Variants in M1AP observed in about 807,000 individuals in gnomAD.
M1AP encodes the protein meiosis 1 associated protein.
M1AP carries 39 observed loss-of-function variants against 51.2 expected under a neutral mutation model. That is an observed-to-expected ratio of 0.76 (90% CI 0.59 to 1.00). The LOEUF (loss-of-function observed/expected upper bound fraction) is 1.00, where lower values mean the gene tolerates loss of function less well. Ranked by LOEUF, M1AP falls within the 50% of genes least tolerant of loss-of-function variation. The pLI, the probability that M1AP is intolerant of heterozygous loss-of-function variation, is 0.00. For missense variants in M1AP, 545 were observed against 641.2 expected (o/e 0.85, Z 1.62); for synonymous variants, 251 against 249.2 (o/e 1.01, Z -0.07).
rs72206117 is a variant in M1AP, at chr2:74,565,825, TCACACACACACACACA to T, written c.1075-3418_1075-3403del. On this transcript the variant is annotated intron_variant, in intron 7 of 10. Coordinates refer to ENST00000421985, the MANE Select transcript of M1AP (RefSeq NM_001321739.2). ...GCCTGGGCAACAGAGTGAGATGCCG[TCACACACACACACACA>T]CACACACACACACACACACACACAC... is the stretch of plus-strand genomic sequence containing the variant. 1.2e-4 allele frequency among the ~76,000 whole-genome samples: 17 copies of T among 138,096 alleles called. No homozygotes were observed. In the East Asian group the frequency reaches 3.0e-3, roughly 24 times the overall value. 90.6% of individuals were successfully genotyped at this position (138,096 alleles called of 152,430 possible). A position where few individuals can be genotyped will look rare whatever the true frequency, so the allele number is the denominator to read the frequency against.
At chr2:74,601,617 CA>C (rs1680684496) in intron 4 of M1AP, among the ~76,000 whole-genome samples, 1 of 151,680 alleles carries the variant, frequency 6.6e-6, no homozygotes, top group African/African-American at 2.4e-5. Flanking sequence ...GATCTTTCAG[CA>C]AAATTTTAAA....
chr2:74,646,220 G>A (rs1462981060), intron 1 of M1AP, among the ~76,000 whole-genome samples: 4 of 152,168 alleles, frequency 2.6e-5, no homozygotes, highest in Non-Finnish European at 4.4e-5. Context: ...GTCTCCTAGT[G>A]ATAAGCCCAT....
In M1AP at chr2:74,575,486, C is replaced by CAACATT. The variant is rs768474471; in HGVS notation, c.1025_1026insAATGTT (p.Glu342_Leu343insMetLeu). On this transcript the variant is annotated inframe_insertion, in exon 7 of 11. Transcript: ENST00000421985. The stretch of plus-strand genomic sequence containing the variant: ...GGAAATGTTGCTGATTTGTCTCCAG[C>CAACATT]TCATCCCAGTCCAGCTGCCAACAGC... 20 of 1,614,162 alleles carry CAACATT rather than the reference C, an allele frequency of 1.2e-5. No homozygotes were observed. In the South Asian group the frequency reaches 2.2e-4, roughly 18 times the overall value.
intron 1 of M1AP, among the ~76,000 whole-genome samples, chr2:74,644,356 G>T (rs1683473920): frequency 1.3e-5 from 2 of 152,178 alleles, no homozygotes; most frequent in Non-Finnish European, 2.9e-5. Flanking sequence ...TGACCAACAT[G>T]GTAAAACCCC....
chr2:74,600,241 G>T (rs995624726), intron 4 of M1AP, among the ~76,000 whole-genome samples: 8 of 152,110 alleles, frequency 5.3e-5, no homozygotes, highest in Non-Finnish European at 1.2e-4. Context: ...GATAAACAAG[G>T]ATTAAATAAG....
chr2:74,579,901 G>C (rs1486237916), intron 5 of M1AP, among the ~76,000 whole-genome samples: 1 of 152,094 alleles, frequency 6.6e-6, no homozygotes, highest in Non-Finnish European at 1.5e-5. Flanking sequence ...TTGAACTCCT[G>C]GGTGCAAGTG....
rs745819777 is a variant in M1AP, at chr2:74,560,308, A to C, written c.1282-17T>G. On this transcript the variant is annotated splice_polypyrimidine_tract_variant and intron_variant, in intron 8 of 10. Coordinates refer to ENST00000421985, the MANE Select transcript of M1AP (RefSeq NM_001321739.2). Reference sequence around the variant, plus strand: ...CAGCATGCTCTGAGGAAAAGAGAGGAGGGGCCTCACTAGGGAACTTAAGAT... The same window carrying C: ...CAGCATGCTCTGAGGAAAAGAGAGGCGGGGCCTCACTAGGGAACTTAAGAT... The C allele has an allele frequency of 4.4e-6, 7 of 1,574,232 alleles. No individual in the cohort carries two copies. The highest frequency in any genetic ancestry group is 1.7e-4 in the Middle Eastern group (1 of 5,820).
At chr2:74,625,465 A>T (rs973860148) in intron 2 of M1AP, among the ~76,000 whole-genome samples, 1 of 152,172 alleles carries the variant, frequency 6.6e-6, no homozygotes, top group Non-Finnish European at 1.5e-5. Flanking sequence ...TATTATGCTT[A>T]GAAAAGCCAT....
intron 2 of M1AP, among the ~76,000 whole-genome samples, chr2:74,623,956 C>T (rs1358557293): frequency 2.6e-4 from 39 of 152,148 alleles, no homozygotes; most frequent in Non-Finnish European, 4.4e-5. Flanking sequence ...TAGGCGTGAG[C>T]CACCACACCT....
intron 4 of M1AP, among the ~76,000 whole-genome samples, chr2:74,591,623 C>A (rs1480633632): frequency 1.3e-5 from 2 of 152,056 alleles, no homozygotes; most frequent in African/African-American, 4.8e-5. Context: ...AGAACCACAC[C>A]AAGCAGTTTT....
chr2:74,632,701 G>A (rs78058883), intron 2 of M1AP, among the ~76,000 whole-genome samples: 2,374 of 152,204 alleles, frequency 0.016, 74 homozygotes, highest in African/African-American at 0.054. Flanking sequence ...TACTATTACT[G>A]TAAATAATCA....
intron 7 of M1AP, among the ~76,000 whole-genome samples, chr2:74,573,696 T>C (rs1002238581): frequency 3.3e-5 from 5 of 152,156 alleles, no homozygotes; most frequent in Non-Finnish European, 7.3e-5. Context: ...TTTGAGTTGT[T>C]TCTAATTTTT....
At chr2:74,562,503 C>G in intron 7 of M1AP, 80 bp from the exon 8 acceptor site, 1 of 1,521,024 alleles carries the variant, frequency 6.6e-7, no homozygotes, top group Non-Finnish European at 9.0e-7. Context: ...TTGAAGTTTC[C>G]CTGACTTCCA....
At chr2:74,618,371 T>G (rs1429288649) in intron 2 of M1AP, among the ~76,000 whole-genome samples, 1 of 152,098 alleles carries the variant, frequency 6.6e-6, no homozygotes, top group East Asian at 1.9e-4. Flanking sequence ...CAATTTAAAC[T>G]GAAAATACAA....
At chr2:74,612,444 TC>T (rs1681422293) in intron 3 of M1AP, among the ~76,000 whole-genome samples, 1 of 152,144 alleles carries the variant, frequency 6.6e-6, no homozygotes, top group African/African-American at 2.4e-5. Flanking sequence ...GGTCTCAAAC[TC>T]CTGGCCTCAA....
intron 5 of M1AP, among the ~76,000 whole-genome samples, chr2:74,579,627 T>A (rs1460879954): frequency 6.6e-6 from 1 of 152,096 alleles, no homozygotes; most frequent in African/African-American, 2.4e-5. Flanking sequence ...TTTTTTTTCA[T>A]CTCTGTATGT....
At chr2:74,644,266 G>A (rs1192643667) in intron 1 of M1AP, among the ~76,000 whole-genome samples, 2 of 152,184 alleles carry the variant, frequency 1.3e-5, no homozygotes, top group Non-Finnish European at 2.9e-5. Context: ...TAGGCCGGGC[G>A]CAGTGGCTCA....
intron 2 of M1AP, among the ~76,000 whole-genome samples, chr2:74,629,217 A>G (rs976907796): frequency 2.6e-5 from 4 of 152,242 alleles, no homozygotes; most frequent in Non-Finnish European, 4.4e-5. Flanking sequence ...AGTAAATTAT[A>G]TTAATAGATT....
Position 74,558,561 on chromosome 2 carries a change from G to T in M1AP, c.*155C>A. On this transcript the variant is annotated 3_prime_UTR_variant, in exon 11 of 11. Coordinates refer to ENST00000421985, the MANE Select transcript of M1AP (RefSeq NM_001321739.2). ...GCTTCCAGACTTGAGGAGTGGGACA[G>T]CACTGAAACAGGACAGGAAGGCTGT... The T allele has an allele frequency of 2.5e-6, 2 of 786,520 alleles. No homozygotes were observed. Among genetic ancestry groups the T allele is most frequent in the Non-Finnish European group, 4.0e-6 (2 of 497,780 alleles). 48.7% of individuals were successfully genotyped at this position (786,520 alleles called of 1,614,324 possible).
Sources: allele counts gnomAD v4.1 joint callset (sites outside exome capture counted in the v4.1 genomes callset), GRCh38; gene constraint gnomAD v4.1.1; transcripts MANE v1.5; gene names NCBI Gene and HGNC (gene_info 2026-07-23, HGNC 2026-07-21).